The following GABRB3 variants were observed in gnomAD, a reference collection of about 807,000 sequenced individuals.
GABRB3 encodes gamma-aminobutyric acid receptor subunit beta-3.
GABRB3 carries 14 observed loss-of-function variants against 52.1 expected under a neutral mutation model. The ratio of observed to expected loss-of-function variants is 0.27; its 90% CI spans 0.18 to 0.42. GABRB3 has a LOEUF of 0.42. GABRB3 is among the 10% of genes least tolerant of loss of function. GABRB3 has a pLI of 1.00. For missense variants in GABRB3, 307 were observed against 609.1 expected, an observed-to-expected ratio of 0.50 and a Z score of 5.22; for synonymous variants, 260 against 232.3, an observed-to-expected ratio of 1.12 and a Z score of -1.08.
intron 3 of GABRB3, among the ~76,000 whole-genome samples, chr15:26,680,969 C>A (rs1312647250): frequency 6.6e-6 from 1 of 152,152 alleles, no homozygotes; most frequent in Non-Finnish European, 1.5e-5. Context: ...ATTGTAGCAG[C>A]CATGAATGCG....
chr15:26,569,324 G>A (rs926380872), intron 6 of GABRB3: 1 of 152,188 alleles, frequency 6.6e-6, no homozygotes. Flanking sequence ...AGCACTTCAA[G>A]GCTGACAGTC....
chr15:26,574,000 A>C (rs1248418916), intron 6 of GABRB3, among the ~76,000 whole-genome samples: 1 of 152,200 alleles, frequency 6.6e-6, no homozygotes, highest in Non-Finnish European at 1.5e-5. Flanking sequence ...GCAGTGAGCC[A>C]AGATTGTGCC....
At chr15:26,702,890 A>G (rs998003724) in intron 3 of GABRB3, among the ~76,000 whole-genome samples, 2 of 152,222 alleles carry the variant, frequency 1.3e-5, no homozygotes, top group African/African-American at 4.8e-5. Context: ...TGTGAGGAAT[A>G]CATTTCTGTT....
chr15:26,737,337 G>C (rs113296273), intron 3 of GABRB3, among the ~76,000 whole-genome samples: 50 of 152,302 alleles, frequency 3.3e-4, no homozygotes, highest in African/African-American at 1.0e-3. Context: ...TTGAAATCAG[G>C]TGCGTTTTGT....
At chr15:26,600,334 G>T (rs1250947809) in intron 4 of GABRB3, among the ~76,000 whole-genome samples, 2 of 152,036 alleles carry the variant, frequency 1.3e-5, no homozygotes, top group African/African-American at 4.8e-5. Flanking sequence ...TTAAAAAATA[G>T]TGGCTGAAAA....
chr15:26,710,753 T>C (rs530561630), intron 3 of GABRB3, among the ~76,000 whole-genome samples: 1 of 152,270 alleles, frequency 6.6e-6, no homozygotes, highest in East Asian at 1.9e-4. Context: ...ATACAAAGAG[T>C]GTGCCCATTT....
intron 3 of GABRB3, among the ~76,000 whole-genome samples, chr15:26,770,677 T>C (rs1293266198): frequency 6.6e-6 from 1 of 152,260 alleles, no homozygotes; most frequent in Admixed American, 6.5e-5. Flanking sequence ...CTCTTCCACC[T>C]GCCATCCTCT....
rs1887969868 is a variant in GABRB3, at chr15:26,673,704, AAGG to A, written c.241-52173_241-52171del. 2.0e-5 allele frequency among the ~76,000 whole-genome samples: 3 copies of A among 152,350 alleles called. No homozygotes were observed. In the South Asian group the frequency reaches 6.2e-4, roughly 32 times the overall value. ...TCACAAGACAAAGGTCCCAGGCAGG[AAGG>A]AGAAGCCAGCCCCAAATGCCACTCT... On this transcript the variant is annotated intron_variant, in intron 3 of 8. Coordinates refer to ENST00000311550, the MANE Select transcript of GABRB3 (RefSeq NM_000814.6).
intron 3 of GABRB3, among the ~76,000 whole-genome samples, chr15:26,755,766 A>G (rs567365456): frequency 2.6e-4 from 39 of 152,346 alleles, no homozygotes; most frequent in African/African-American, 8.2e-4. Context: ...CAATATTCAT[A>G]CCATTTGACT....
intron 8 of GABRB3, among the ~76,000 whole-genome samples, chr15:26,548,475 C>A (rs1889341996): frequency 6.6e-6 from 1 of 152,116 alleles, no homozygotes; most frequent in Non-Finnish European, 1.5e-5. Flanking sequence ...GTGCTCTAAC[C>A]ATTTTCACAA....
At chr15:26,690,756 A>G (rs1477196259) in intron 3 of GABRB3, among the ~76,000 whole-genome samples, 1 of 151,746 alleles carries the variant, frequency 6.6e-6, no homozygotes, top group African/African-American at 2.4e-5. Context: ...GGTATTGGAT[A>G]TACTTGCCAT....
intron 5 of GABRB3, 100 bp downstream of exon 5, chr15:26,583,232 T>G: frequency 1.1e-6 from 1 of 921,774 alleles, no homozygotes; most frequent in Non-Finnish European, 1.8e-6. Context: ...TCTTTCTATG[T>G]CAAAAAAATT....
intron 3 of GABRB3, among the ~76,000 whole-genome samples, chr15:26,678,837 C>T (rs1227345817): frequency 1.3e-5 from 2 of 152,106 alleles, no homozygotes; most frequent in Non-Finnish European, 2.9e-5. Flanking sequence ...TGAAAGTGTA[C>T]CTCACTGAGG....
At chr15:26,738,068 T>C in intron 3 of GABRB3, among the ~76,000 whole-genome samples, 1 of 152,106 alleles carries the variant, frequency 6.6e-6, no homozygotes, top group Admixed American at 6.6e-5. Context: ...TTGTTTTTTT[T>C]GTTGTCGTTG....
chr15:26,684,975 G>A (rs774125644), intron 3 of GABRB3, among the ~76,000 whole-genome samples: 11 of 152,194 alleles, frequency 7.2e-5, no homozygotes, highest in South Asian at 2.1e-4. Context: ...CTTGCTCGAC[G>A]CAGGGTTGCC....
chr15:26,596,375 A>C (rs1891396269), intron 4 of GABRB3, among the ~76,000 whole-genome samples: 1 of 152,188 alleles, frequency 6.6e-6, no homozygotes, highest in Non-Finnish European at 1.5e-5. Flanking sequence ...AGAAAGGCCA[A>C]ATAAAAATGA....
chr15:26,635,200 T>C (rs1247423545), intron 3 of GABRB3, among the ~76,000 whole-genome samples: 1 of 133,838 alleles, frequency 7.5e-6, no homozygotes, highest in Non-Finnish European at 1.7e-5. Context: ...AACATCCATA[T>C]TGCTTGGACA....
intron 3 of GABRB3, among the ~76,000 whole-genome samples, chr15:26,736,996 G>C (rs1306200792): frequency 6.6e-6 from 1 of 152,198 alleles, no homozygotes; most frequent in African/African-American, 2.4e-5. Context: ...TGGGTTTAAC[G>C]TCCTTGATTT....
chr15:26,701,403 G>T (rs994988578), intron 3 of GABRB3, among the ~76,000 whole-genome samples: 1 of 152,160 alleles, frequency 6.6e-6, no homozygotes. Flanking sequence ...AGACTGTGGG[G>T]TATCAAGTCA....
Sources: allele counts gnomAD v4.1 joint callset (sites outside exome capture counted in the v4.1 genomes callset), GRCh38; gene constraint gnomAD v4.1.1; transcripts MANE v1.5; gene names NCBI Gene and HGNC (gene_info 2026-07-23, HGNC 2026-07-21).